The following SERPINA12 variants were observed in gnomAD, a reference collection of about 807,000 sequenced individuals.
SERPINA12 encodes serpin family A member 12.
A neutral mutation model predicts 25.9 loss-of-function variants in SERPINA12; 21 were observed. The observed-to-expected ratio is 0.81, with a 90% CI of 0.58 to 1.17. SERPINA12 has a LOEUF of 1.17. Ranked by LOEUF, SERPINA12 falls within the 50% of genes most tolerant of loss-of-function variation. SERPINA12 has a pLI of 0.00. For missense variants in SERPINA12, 562 were observed against 508.3 expected, an observed-to-expected ratio of 1.11 and a Z score of -1.02; for synonymous variants, 220 against 196.0, an observed-to-expected ratio of 1.12 and a Z score of -1.02.
At chr14:94,514,220 T>A (rs1485803178), upstream of SERPINA12, among the ~76,000 whole-genome samples, 1 of 152,228 alleles carries the variant, frequency 6.6e-6, no homozygotes, top group Non-Finnish European at 1.5e-5. Context: ...TAACTTTAAT[T>A]ATTATTTTGT....
At chr14:94,493,667 C>T (rs935449858) in intron 3 of SERPINA12, among the ~76,000 whole-genome samples, 14 of 152,186 alleles carry the variant, frequency 9.2e-5, no homozygotes, top group Non-Finnish European at 1.5e-4. Flanking sequence ...CGAGACGCCA[C>T]TGAGAGCAGC....
At position 94,489,885 on chromosome 14, in the gene SERPINA12, C is replaced by T. The variant is rs1900089719; in HGVS notation, c.906-118G>A. On this transcript the variant is annotated intron_variant, in intron 3 of 4. Transcript: ENST00000677451. ...CCAGCCCCAAAGGTCTCCAATCTCT[C>T]TCCATCCACAGAATGAGGAGGGGCT... 11 of 1,014,828 alleles carry T rather than the reference C, an allele frequency of 1.1e-5. No individual in the cohort carries two copies. In the Admixed American group the frequency reaches 1.8e-4, roughly 17 times the overall value. The allele number at this position is 1,014,828 out of a possible 1,614,324, so 62.9% of individuals were successfully genotyped here.
At chr14:94,509,524 A>G (rs1443254393), upstream of SERPINA12, among the ~76,000 whole-genome samples, 3 of 152,038 alleles carry the variant, frequency 2.0e-5, no homozygotes, top group African/African-American at 7.2e-5. Flanking sequence ...CTTCTGCCCA[A>G]CGACCTACTA....
chr14:94,498,557 C>T, intron 1 of SERPINA12, 127 bp from the exon 2 acceptor site: 2 of 728,516 alleles, frequency 2.7e-6, no homozygotes, highest in Middle Eastern at 3.8e-4. Context: ...AGTGCTTTGA[C>T]CCCTTTATAG....
At chr14:94,501,814 C>T (rs1900738650) in intron 1 of SERPINA12, among the ~76,000 whole-genome samples, 1 of 152,086 alleles carries the variant, frequency 6.6e-6, no homozygotes. Context: ...GCCTTTCTCC[C>T]CCAAACAGCC....
intron 4 of SERPINA12, 140 bp downstream of exon 4, chr14:94,489,480 A>G: frequency 1.1e-6 from 1 of 890,632 alleles, no homozygotes; most frequent in Non-Finnish European, 1.7e-6. Context: ...GGGGTTGGTA[A>G]GGGGCACAGC....
chr14:94,511,753 C>A (rs1271026077), upstream of SERPINA12: 2 of 978,236 alleles, frequency 2.0e-6, no homozygotes, highest in Admixed American at 6.2e-5. Context: ...TACCAGGCAG[C>A]AAGCCAGGTG....
At chr14:94,506,706 G>T (rs1186674852) in intron 1 of SERPINA12, among the ~76,000 whole-genome samples, 1 of 152,310 alleles carries the variant, frequency 6.6e-6, no homozygotes, top group African/African-American at 2.4e-5. Flanking sequence ...TCATCCAGGA[G>T]CTTTAGAAAT....
intron 3 of SERPINA12, among the ~76,000 whole-genome samples, chr14:94,492,512 C>T (rs781225502): frequency 8.6e-5 from 13 of 152,026 alleles, no homozygotes; most frequent in East Asian, 1.9e-4. Context: ...TGGCCCCCTG[C>T]GAGGTTTCAT....
intron 1 of SERPINA12, among the ~76,000 whole-genome samples, chr14:94,506,760 T>C (rs987324422): frequency 6.6e-6 from 1 of 152,250 alleles, no homozygotes; most frequent in Non-Finnish European, 1.5e-5. Flanking sequence ...AGTTAGTTGA[T>C]GCAGGATAAA....
rs760289347 is a variant in SERPINA12, at chr14:94,497,972, C to G, written c.426G>C (p.Gln142His). 6.2e-7 allele frequency: 1 copy of G among 1,614,202 alleles called. No individual in the cohort carries two copies. The highest frequency in any genetic ancestry group is 8.5e-7 in the Non-Finnish European group (1 of 1,180,034). Reference protein sequence around the residue: ...LSIGNTLFIDQRLQPQRKFLE... With the variant: ...LSIGNTLFIDHRLQPQRKFLE... ...AAAACTTACGCTGTGGCTGCAGCCT[C>G]TGGTCAATGAACAGCGTGTTCCCAA... Residue 142 changes from glutamine to histidine, a missense_variant, in exon 2 of 5, where the codon CAG (glutamine) becomes CAC (histidine). Gln to His is a conservative substitution (Grantham distance 24). Transcript: ENST00000677451.
Position 94,498,296 on chromosome 14 carries a change from G to A in SERPINA12, c.102C>T (p.Ser34=), listed in dbSNP as rs201642706. The A allele has an allele frequency of 5.6e-6, 9 of 1,614,014 alleles. No homozygotes were observed. Among genetic ancestry groups the A allele is most frequent in the South Asian group, 1.1e-5 (1 of 91,072 alleles). ...SFSPRNYKAL[S]EVQGWKQRMA... ...TCCTTTGCTTCCATCCTTGGACCTC[G>A]CTCAAAGCTTTATAATTCCTTGGTG... Residue 34 remains serine (S), a synonymous_variant, in exon 2 of 5, where the codon AGC becomes AGT. Transcript: ENST00000677451.
At chr14:94,496,274 C>G in intron 3 of SERPINA12, 99 bp downstream of exon 3, 1 of 1,164,440 alleles carries the variant, frequency 8.6e-7, no homozygotes, top group East Asian at 2.3e-5. Flanking sequence ...ATTATAGAGC[C>G]CAGAAGAGGA....
At chr14:94,504,341 A>G (rs1207509790) in intron 1 of SERPINA12, 1 of 152,152 alleles carries the variant, frequency 6.6e-6, no homozygotes, top group Non-Finnish European at 1.5e-5. Flanking sequence ...GGCCACACCC[A>G]CTGGGCTGTG....
intron 3 of SERPINA12, 152 bp downstream of exon 3, chr14:94,496,221 T>C: frequency 1.3e-6 from 1 of 753,732 alleles, no homozygotes; most frequent in Non-Finnish European, 2.1e-6. Context: ...ACTCTATTCC[T>C]ATGATTTGTT....
Position 94,496,419 on chromosome 14 carries a change from A to ATCCC in SERPINA12, c.855_858dup (p.Leu287GlyfsTer48), listed in dbSNP as rs777962572. 6.2e-7 allele frequency: 1 copy of ATCCC among 1,614,152 alleles called. No homozygotes were observed. Among genetic ancestry groups the ATCCC allele is most frequent in the Admixed American group, 1.7e-5 (1 of 60,018 alleles). ...CATCTGGAGAAAGTGTCCACCTGCA[A>ATCCC]TCCCTTCTCCAAGTGCTTCAGCTTG... is the stretch of plus-strand genomic sequence containing the variant. On this transcript the variant is annotated frameshift_variant, in exon 3 of 5. Coordinates refer to ENST00000677451, the MANE Select transcript of SERPINA12 (RefSeq NM_001382267.1). LOFTEE classifies it high-confidence loss of function.
In SERPINA12 at chr14:94,498,407, A is replaced by G; in HGVS notation, c.-10T>C. The G allele has an allele frequency of 2.5e-6, 4 of 1,611,304 alleles. No individual in the cohort carries two copies. Among genetic ancestry groups the G allele is most frequent in the Non-Finnish European group, 3.4e-6 (4 of 1,178,544 alleles). ...CTAGTGTGGGGTTCATTTTCCTTGA[A>G]GAATATCCTGTTGAGTAGTAGACCT... On this transcript the variant is annotated 5_prime_UTR_variant, in exon 2 of 5. Transcript: ENST00000677451.
chr14:94,509,902 A>G, upstream of SERPINA12: 1 of 830,574 alleles, frequency 1.2e-6, no homozygotes, highest in Non-Finnish European at 1.5e-6. Context: ...CTTCCCTGGG[A>G]CAGGACAGGA....
At chr14:94,506,434 C>A (rs1900934805) in intron 1 of SERPINA12, among the ~76,000 whole-genome samples, 1 of 152,158 alleles carries the variant, frequency 6.6e-6, no homozygotes, top group African/African-American at 2.4e-5. Context: ...ACAAGAGGCA[C>A]CTGATCCTAG....
Sources: gnomAD v4.1 joint callset for allele counts (sites outside exome capture counted in the v4.1 genomes callset) on GRCh38, gnomAD v4.1.1 for gene constraint, MANE v1.5 for transcripts, NCBI Gene and HGNC (gene_info 2026-07-23, HGNC 2026-07-21) for gene names.